PCMT1: variants seen among roughly 807,000 people sequenced by gnomAD.
PCMT1 encodes protein-L-isoaspartate (D-aspartate) O-methyltransferase.
Under a neutral mutation model 29.2 loss-of-function variants are expected in PCMT1, and 9 were observed. The observed-to-expected ratio is 0.31, with a 90% CI of 0.19 to 0.54. The LOEUF (loss-of-function observed/expected upper bound fraction) is 0.54. PCMT1 is among the 20% of genes least tolerant of loss of function. PCMT1 has a pLI of 0.95. For missense variants in PCMT1, 184 were observed against 282.2 expected (o/e 0.65, Z 2.49); for synonymous variants, 98 against 97.5 (o/e 1.00, Z -0.03).
At chr6:149,773,429 A>G (rs764273496) in intron 3 of PCMT1, among the ~76,000 whole-genome samples, 6 of 152,108 alleles carry the variant, frequency 3.9e-5, no homozygotes, top group Non-Finnish European at 8.8e-5. Context: ...CCCAGGCTAG[A>G]GTGCAGTGGC....
chr6:149,766,992 C>T (rs1009434837), intron 1 of PCMT1, among the ~76,000 whole-genome samples: 3 of 152,084 alleles, frequency 2.0e-5, no homozygotes, highest in South Asian at 4.2e-4. Flanking sequence ...GGGTGGATCA[C>T]GAGGTCAGGA....
At chr6:149,765,849 C>T in intron 1 of PCMT1, 1 of 174,648 alleles carries the variant, frequency 5.7e-6, no homozygotes, top group Non-Finnish European at 1.2e-5. Flanking sequence ...ATCTGTAATC[C>T]CAGCTACTTA....
intron 3 of PCMT1, among the ~76,000 whole-genome samples, chr6:149,787,971 G>A (rs989583773): frequency 6.6e-6 from 1 of 151,964 alleles, no homozygotes; most frequent in East Asian, 1.9e-4. Flanking sequence ...GTGCAGTGGT[G>A]CAGTGGCACG....
At chr6:149,791,218 C>T (rs1186543969) in intron 4 of PCMT1, among the ~76,000 whole-genome samples, 1 of 152,188 alleles carries the variant, frequency 6.6e-6, no homozygotes, top group Non-Finnish European at 1.5e-5. Flanking sequence ...CATTTCCCAG[C>T]ACCCTCTCCA....
chr6:149,793,746 T>C (rs1788481582), intron 5 of PCMT1, 77 bp downstream of exon 5: 1 of 1,206,956 alleles, frequency 8.3e-7, no homozygotes. Flanking sequence ...TAAATAATAC[T>C]CAGAGGTAAT....
chr6:149,760,269 G>T (rs1376403251), intron 1 of PCMT1, among the ~76,000 whole-genome samples: 3 of 152,082 alleles, frequency 2.0e-5, no homozygotes, highest in Admixed American at 6.6e-5. Flanking sequence ...TCTGCAGGCT[G>T]GTCTTATTTG....
intron 3 of PCMT1, among the ~76,000 whole-genome samples, chr6:149,778,259 C>CT (rs1416963916): frequency 1.3e-5 from 2 of 151,720 alleles, no homozygotes; most frequent in African/African-American, 4.8e-5. Context: ...GATGGAGTCT[C>CT]TCTCTGTCGC....
At chr6:149,810,563 A>C (rs1776133206) in intron 7 of PCMT1, 53 bp from the exon 8 acceptor site, 7 of 1,439,672 alleles carry the variant, frequency 4.9e-6, no homozygotes, top group Non-Finnish European at 6.7e-6. Flanking sequence ...TATAAAGCCA[A>C]ATTGGGTAGT....
At chr6:149,773,224 AT>A in intron 3 of PCMT1, 55 bp downstream of exon 3, 1 of 1,338,636 alleles carries the variant, frequency 7.5e-7, no homozygotes, top group Non-Finnish European at 1.1e-6. Context: ...CTCTATAATC[AT>A]TTTCTTTAGT....
At chr6:149,800,303 T>G (rs1019576962) in intron 6 of PCMT1, among the ~76,000 whole-genome samples, 1 of 151,950 alleles carries the variant, frequency 6.6e-6, no homozygotes, top group African/African-American at 2.4e-5. Context: ...CCGTCTCTAT[T>G]AAAAATACAA....
At chr6:149,791,430 T>C (rs572662963) in intron 4 of PCMT1, among the ~76,000 whole-genome samples, 13 of 152,350 alleles carry the variant, frequency 8.5e-5, no homozygotes, top group African/African-American at 2.6e-4. Context: ...GGAGTAAAGG[T>C]TGATCATTGC....
intron 1 of PCMT1, among the ~76,000 whole-genome samples, chr6:149,760,601 C>T (rs984586434): frequency 2.0e-5 from 3 of 152,090 alleles, no homozygotes; most frequent in African/African-American, 7.2e-5. Context: ...TGCCTGTAAT[C>T]CCAGCACTTT....
intron 4 of PCMT1, among the ~76,000 whole-genome samples, chr6:149,790,516 C>CTTTTTT (rs80356200): frequency 2.0e-4 from 28 of 137,112 alleles, no homozygotes; most frequent in East Asian, 4.2e-4. Flanking sequence ...GTTTTCTTTT[C>CTTTTTT]TTTTTTTTTT....
intron 5 of PCMT1, among the ~76,000 whole-genome samples, chr6:149,794,408 AAGAGTTTG>A (rs1788509976): frequency 6.6e-6 from 1 of 152,072 alleles, no homozygotes; most frequent in Non-Finnish European, 1.5e-5. Context: ...TCATGAGGTC[AAGAGTTTG>A]AGACCAGCCT....
chr6:149,771,302 A>G (rs752210816), intron 2 of PCMT1, 36 bp downstream of exon 2: 41 of 1,251,622 alleles, frequency 3.3e-5, no homozygotes, highest in Non-Finnish European at 4.5e-5. Flanking sequence ...CATAGTTTTC[A>G]TCATTTACTT....
intron 3 of PCMT1, among the ~76,000 whole-genome samples, chr6:149,777,365 A>G (rs1787611621): frequency 6.6e-6 from 1 of 152,240 alleles, no homozygotes; most frequent in South Asian, 2.1e-4. Flanking sequence ...CAGAACGTGT[A>G]TAATTTTTAC....
intron 1 of PCMT1, among the ~76,000 whole-genome samples, chr6:149,759,635 C>T (rs1424205529): frequency 6.6e-6 from 1 of 152,048 alleles, no homozygotes. Context: ...GCAGAGATTA[C>T]GGGCACCTGC....
chr6:149,760,807 G>A (rs1417127191), intron 1 of PCMT1, among the ~76,000 whole-genome samples: 1 of 152,056 alleles, frequency 6.6e-6, no homozygotes, highest in Non-Finnish European at 1.5e-5. Flanking sequence ...AGCCAAGATC[G>A]TACCACTGCA....
intron 1 of PCMT1, among the ~76,000 whole-genome samples, chr6:149,750,465 A>G (rs185721678): frequency 8.5e-5 from 13 of 152,170 alleles, no homozygotes; most frequent in Admixed American, 7.9e-4. Flanking sequence ...TTTCCCCTGG[A>G]GGGAGATGCC....
Sources: allele counts gnomAD v4.1 joint callset (sites outside exome capture counted in the v4.1 genomes callset), GRCh38; gene constraint gnomAD v4.1.1; transcripts MANE v1.5; gene names NCBI Gene and HGNC (gene_info 2026-07-23, HGNC 2026-07-21).